ZNG1E: variants seen among roughly 807,000 people sequenced by gnomAD.
ZNG1E encodes the protein zinc-regulated GTPase metalloprotein activator 1E.
chr9:65,664,248 AT>A, the ZNG1E span, among the ~76,000 whole-genome samples: 14 of 151,628 alleles, frequency 9.2e-5, no homozygotes, highest in African/African-American at 2.4e-4. Flanking sequence ...TCTAAACGGG[AT>A]TTTTTTTGGG....
chr9:65,666,573 C>T, the ZNG1E span, among the ~76,000 whole-genome samples: 1 of 141,378 alleles, frequency 7.1e-6, no homozygotes, highest in Non-Finnish European at 1.5e-5. Context: ...AAAGGTAACC[C>T]ATGTTAACCT....
At chr9:65,727,327 AAAC>A in the ZNG1E span, among the ~76,000 whole-genome samples, 1 of 149,012 alleles carries the variant, frequency 6.7e-6, no homozygotes, top group African/African-American at 2.6e-5. Flanking sequence ...ACAATTAGAA[AAAC>A]AACAAAAACC....
At chr9:65,662,376 G>A in the ZNG1E span, among the ~76,000 whole-genome samples, 321 of 152,102 alleles carry the variant, frequency 2.1e-3, no homozygotes, top group African/African-American at 7.2e-3. Flanking sequence ...ACAGGTCTTC[G>A]GTGGGACAAC....
the ZNG1E span, among the ~76,000 whole-genome samples, chr9:65,714,712 G>A: frequency 1.3e-5 from 2 of 151,328 alleles, no homozygotes; most frequent in African/African-American, 4.9e-5. Context: ...ACCTCCCAGG[G>A]GGTCAGGGGT....
the ZNG1E span, among the ~76,000 whole-genome samples, chr9:65,664,947 G>GAT: frequency 6.6e-6 from 1 of 152,236 alleles, no homozygotes; most frequent in Non-Finnish European, 1.5e-5. Flanking sequence ...ACTTGAGAGA[G>GAT]ATGATTTAGG....
the ZNG1E span, chr9:65,693,429 C>G: frequency 7.8e-7 from 1 of 1,284,564 alleles, no homozygotes; most frequent in African/African-American, 1.5e-5. Flanking sequence ...TCATCCCACC[C>G]ACTGACCCGT....
chr9:65,671,555 G>A, the ZNG1E span, among the ~76,000 whole-genome samples: 1 of 152,156 alleles, frequency 6.6e-6, no homozygotes, highest in Non-Finnish European at 1.5e-5. Context: ...CCTGACCTCA[G>A]GTGATCCACC....
the ZNG1E span, among the ~76,000 whole-genome samples, chr9:65,678,848 C>T: frequency 7.2e-6 from 1 of 138,036 alleles, no homozygotes; most frequent in Non-Finnish European, 1.5e-5. Flanking sequence ...CCTGAAGTTG[C>T]GTCTCGTTAA....
At chr9:65,701,158 G>C in the ZNG1E span, 3 of 140,484 alleles carry the variant, frequency 2.1e-5, no homozygotes, top group Admixed American at 7.3e-5. Context: ...TCTTTAATGT[G>C]TACAATGCTT....
chr9:65,658,699 G>T, the ZNG1E span, among the ~76,000 whole-genome samples: 2 of 147,574 alleles, frequency 1.4e-5, no homozygotes, highest in East Asian at 2.0e-4. Context: ...AGACTGGGTG[G>T]CTTGAACAGC....
At chr9:65,703,547 T>G in the ZNG1E span, 235 of 965,684 alleles carry the variant, frequency 2.4e-4, 7 homozygotes, top group South Asian at 1.6e-3. Flanking sequence ...TTATCTTAAT[T>G]TCAGAAAATT....
At chr9:65,667,644 A>G in the ZNG1E span, among the ~76,000 whole-genome samples, 1 of 152,038 alleles carries the variant, frequency 6.6e-6, no homozygotes, top group Non-Finnish European at 1.5e-5. Flanking sequence ...GTCCCTTTTG[A>G]AGATATGATG....
chr9:65,675,752 T>A, the ZNG1E span: 2 of 721,292 alleles, frequency 2.8e-6, no homozygotes, highest in Non-Finnish European at 4.5e-6. Context: ...CCCAGGGGCG[T>A]GTCCAGCTGT....
the ZNG1E span, among the ~76,000 whole-genome samples, chr9:65,728,597 A>G: frequency 6.7e-6 from 1 of 148,544 alleles, no homozygotes; most frequent in Non-Finnish European, 1.5e-5. Context: ...ACACCTTTAC[A>G]TGCATAAACT....
At chr9:65,700,144 GTT>G in the ZNG1E span, 1 of 441,754 alleles carries the variant, frequency 2.3e-6, no homozygotes, top group East Asian at 3.3e-5. Flanking sequence ...TACATGAGGT[GTT>G]TTTATTTATT....
the ZNG1E span, among the ~76,000 whole-genome samples, chr9:65,665,400 C>T: frequency 6.6e-6 from 1 of 152,272 alleles, no homozygotes; most frequent in African/African-American, 2.4e-5. Context: ...CAAGCCTTGG[C>T]AGCTTCCACA....
the ZNG1E span, among the ~76,000 whole-genome samples, chr9:65,684,753 T>G: frequency 6.6e-6 from 1 of 152,194 alleles, no homozygotes; most frequent in African/African-American, 2.4e-5. Flanking sequence ...GCAAGCTGTT[T>G]TTAATAAGCC....
chr9:65,713,712 TGCCAAGAGATCC>T, the ZNG1E span, among the ~76,000 whole-genome samples: 1 of 148,950 alleles, frequency 6.7e-6, no homozygotes, highest in Non-Finnish European at 1.5e-5. Context: ...GTAGAGTTTC[TGCCAAGAGATCC>T]GCTGTTAGTC....
chr9:65,668,583 T>C, the ZNG1E span, among the ~76,000 whole-genome samples: 4,418 of 141,376 alleles, frequency 0.031, 2 homozygotes, highest in Admixed American at 0.052. Context: ...CAGGCTGGAG[T>C]GCAGTGCAGT....
Sources: gnomAD v4.1 joint callset for allele counts (sites outside exome capture counted in the v4.1 genomes callset) on GRCh38, gnomAD v4.1.1 for gene constraint, MANE v1.5 for transcripts, NCBI Gene and HGNC (gene_info 2026-07-23, HGNC 2026-07-21) for gene names.